Variants in BTBD9 observed in about 807,000 individuals in gnomAD.
BTBD9 encodes the protein BTB domain containing 9.
In BTBD9, 49 loss-of-function variants were observed where a neutral mutation model predicts 64.3. The ratio of observed to expected loss-of-function variants is 0.76; its 90% CI spans 0.61 to 0.97. The LOEUF (loss-of-function observed/expected upper bound fraction) is 0.97. Among genes scored for constraint, BTBD9 ranks in the 50% least tolerant of loss-of-function variants. The pLI is 0.00. For synonymous variants in BTBD9, 260 were observed against 274.7 expected (o/e 0.95, Z 0.53); for missense variants, 598 against 762.1 (o/e 0.78, Z 2.53).
chr6:38,210,732 T>A (rs1369321174), intron 9 of BTBD9, among the ~76,000 whole-genome samples: 8 of 152,246 alleles, frequency 5.3e-5, no homozygotes, highest in Non-Finnish European at 7.3e-5. Context: ...CAGTTCTAAA[T>A]GTCTAGTAAG....
intron 6 of BTBD9, among the ~76,000 whole-genome samples, chr6:38,501,957 T>C (rs934574203): frequency 3.9e-5 from 6 of 152,186 alleles, no homozygotes; most frequent in African/African-American, 1.4e-4. Flanking sequence ...CAAAAGCTCT[T>C]TGGGGTCCTC....
intron 9 of BTBD9, among the ~76,000 whole-genome samples, chr6:38,256,050 C>G (rs1764567149): frequency 6.6e-6 from 1 of 150,616 alleles, no homozygotes; most frequent in African/African-American, 2.5e-5. Context: ...CACATGTACC[C>G]TAGAACTTAA....
At chr6:38,287,272 G>GTT (rs1414761202) in intron 8 of BTBD9, among the ~76,000 whole-genome samples, 5 of 150,856 alleles carry the variant, frequency 3.3e-5, no homozygotes, top group Non-Finnish European at 5.9e-5. Flanking sequence ...TCCATTCATG[G>GTT]TAAGTGCCCT....
intron 6 of BTBD9, among the ~76,000 whole-genome samples, chr6:38,370,527 C>T (rs1044898244): frequency 6.6e-6 from 1 of 152,182 alleles, no homozygotes; most frequent in Non-Finnish European, 1.5e-5. Flanking sequence ...TACTTTCACT[C>T]TCCAGTTTAC....
Position 38,594,291 on chromosome 6 carries a change from A to G in BTBD9, c.222T>C (p.Pro74=). 1 of 1,613,828 alleles carries G rather than the reference A, an allele frequency of 6.2e-7. No individual in the cohort carries two copies. The highest frequency in any genetic ancestry group is 2.2e-5 in the East Asian group (1 of 44,890). Residue 74 remains proline (P), a synonymous_variant, in exon 3 of 11, where the codon CCT becomes CCC. Transcript: ENST00000481247. ...LLYGGMRESQ[P]EAEIPLQDTT... is the part of the protein sequence containing the mutation. ...TGTCTTGGAGAGGAATTTCTGCTTC[A>G]GGCTGAGACTCTCGCATTCCACCAT... is the stretch of plus-strand genomic sequence containing the variant.
In BTBD9 at chr6:38,570,836, C is replaced by T. The variant is rs7752689; in HGVS notation, c.1154+6764G>A. Among the ~76,000 whole-genome samples, 1,214 of 152,226 alleles carry T rather than the reference C, an allele frequency of 8.0e-3. 16 individuals are homozygous for T. The highest frequency in any genetic ancestry group is 0.027 in the African/African-American group (1,127 of 41,540). ...CATCAGCAGAAAGACTTAAATAGTA[C>T]AAATAGTTTCACATGTTATTTCACA... On this transcript the variant is annotated intron_variant, in intron 6 of 10. Transcript: ENST00000481247.
chr6:38,435,196 GGGGTGGGGGGGAA>G (rs1266802882), intron 6 of BTBD9, among the ~76,000 whole-genome samples: 1 of 150,212 alleles, frequency 6.7e-6, no homozygotes, highest in Non-Finnish European at 1.5e-5. Flanking sequence ...TCTGTCTCGG[GGGGTGGGGGGGAA>G]GTTAATTGCT....
chr6:38,450,124 G>T (rs986003702), intron 6 of BTBD9, among the ~76,000 whole-genome samples: 6 of 152,200 alleles, frequency 3.9e-5, no homozygotes, highest in Non-Finnish European at 7.4e-5. Flanking sequence ...ATTTGGATAA[G>T]TCTGAAGAAC....
rs541205414 is a variant in BTBD9 at position 38,621,023 on chromosome 6, C to A, written c.-28+18777G>T. Among the ~76,000 whole-genome samples the A allele has an allele frequency of 4.6e-5, 7 of 152,314 alleles. No individual in the cohort carries two copies. In the East Asian group the frequency reaches 1.4e-3, roughly 29 times the overall value. ...AGGAATAGCTCTTGGAATCCTTACT[C>A]AGACTCACGGGACAACCCCACAACC... On this transcript the variant is annotated intron_variant, in intron 1 of 10. Coordinates refer to ENST00000481247, the MANE Select transcript of BTBD9 (RefSeq NM_001099272.2).
intron 9 of BTBD9, among the ~76,000 whole-genome samples, chr6:38,242,217 G>A (rs909106702): frequency 4.6e-5 from 7 of 152,080 alleles, no homozygotes; most frequent in African/African-American, 1.7e-4. Flanking sequence ...ATCACCAGTC[G>A]TCCCAGGCAC....
At chr6:38,505,933 C>T (rs923280121) in intron 6 of BTBD9, among the ~76,000 whole-genome samples, 2 of 128,758 alleles carry the variant, frequency 1.6e-5, no homozygotes, top group Non-Finnish European at 1.6e-5. Flanking sequence ...CCACCGCATT[C>T]CAGCCTGGCA....
chr6:38,307,406 G>C (rs187154376), intron 7 of BTBD9, among the ~76,000 whole-genome samples: 159 of 152,250 alleles, frequency 1.0e-3, no homozygotes, highest in Non-Finnish European at 1.4e-3. Context: ...CATCACCAAA[G>C]AAAAACCATG....
chr6:38,489,328 A>C (rs1309518197), intron 6 of BTBD9, among the ~76,000 whole-genome samples: 1 of 152,188 alleles, frequency 6.6e-6, no homozygotes, highest in Non-Finnish European at 1.5e-5. Flanking sequence ...TTAGTTGAGC[A>C]TGGTGGCACA....
chr6:38,204,676 C>T (rs1038722672), intron 9 of BTBD9, among the ~76,000 whole-genome samples: 1 of 152,042 alleles, frequency 6.6e-6, no homozygotes, highest in Non-Finnish European at 1.5e-5. Flanking sequence ...GAATTGTGCA[C>T]TTTCAGTGGG....
chr6:38,605,897 C>T (rs1777415639), intron 1 of BTBD9, among the ~76,000 whole-genome samples: 1 of 152,052 alleles, frequency 6.6e-6, no homozygotes, highest in African/African-American at 2.4e-5. Context: ...AGGGTGTTGC[C>T]AAAGAAGATT....
At chr6:38,283,743 TC>T (rs1761611316) in intron 8 of BTBD9, among the ~76,000 whole-genome samples, 1 of 152,192 alleles carries the variant, frequency 6.6e-6, no homozygotes, top group Non-Finnish European at 1.5e-5. Flanking sequence ...ATCTCCTCCC[TC>T]CTAGATGGGG....
At chr6:38,381,921 T>C (rs1765951810) in intron 6 of BTBD9, among the ~76,000 whole-genome samples, 1 of 151,988 alleles carries the variant, frequency 6.6e-6, no homozygotes, top group African/African-American at 2.4e-5. Context: ...ATAAGAATAA[T>C]AATGAAAATA....
intron 9 of BTBD9, among the ~76,000 whole-genome samples, chr6:38,222,480 C>T (rs1287983909): frequency 2.0e-5 from 3 of 151,822 alleles, no homozygotes; most frequent in Non-Finnish European, 4.4e-5. Context: ...AGGATGGTCT[C>T]GATCTCCTGA....
At chr6:38,395,636 C>A (rs528921955) in intron 6 of BTBD9, among the ~76,000 whole-genome samples, 5 of 151,966 alleles carry the variant, frequency 3.3e-5, no homozygotes, top group African/African-American at 1.2e-4. Flanking sequence ...CGACCTCAAG[C>A]CAGAACCACT....
Sources: allele counts gnomAD v4.1 joint callset (sites outside exome capture counted in the v4.1 genomes callset), GRCh38; gene constraint gnomAD v4.1.1; transcripts MANE v1.5; gene names NCBI Gene and HGNC (gene_info 2026-07-23, HGNC 2026-07-21).